Variants in AGMO observed in about 807,000 individuals in gnomAD.
AGMO encodes glyceryl-ether monooxygenase.
In AGMO, 75 loss-of-function variants were observed where a neutral mutation model predicts 60.2. The observed-to-expected ratio is 1.25, with a 90% CI of 1.03 to 1.51. The LOEUF (loss-of-function observed/expected upper bound fraction) is 1.51. Among genes scored for constraint, AGMO ranks in the 40% most tolerant of loss-of-function variants. The probability of loss-of-function intolerance (pLI) is 0.00; values close to 1 mark genes in which losing one functional copy is unlikely to be tolerated. For missense variants in AGMO, 763 were observed against 525.5 expected, an observed-to-expected ratio of 1.45 and a Z score of -4.42; for synonymous variants, 261 against 177.1, an observed-to-expected ratio of 1.47 and a Z score of -3.76.
intron 10 of AGMO, among the ~76,000 whole-genome samples, chr7:15,378,736 CAAAATTCT>C (rs1343536619): frequency 9.4e-6 from 1 of 106,926 alleles, no homozygotes; most frequent in East Asian, 4.1e-4. Context: ...TTCTGGGTGG[CAAAATTCT>C]ATAGTGCCTT....
At chr7:15,492,116 G>A (rs976923822) in intron 3 of AGMO, among the ~76,000 whole-genome samples, 5 of 152,162 alleles carry the variant, frequency 3.3e-5, no homozygotes, top group Admixed American at 6.5e-5. Flanking sequence ...TATCTTATTT[G>A]ATACTCAGTC....
chr7:15,445,236 G>C (rs1373006439), intron 3 of AGMO, among the ~76,000 whole-genome samples: 1 of 152,116 alleles, frequency 6.6e-6, no homozygotes, highest in Non-Finnish European at 1.5e-5. Context: ...ATCAGTATTG[G>C]TGTAGGTCAA....
At chr7:15,320,129 GAA>G (rs1781064149) in intron 12 of AGMO, among the ~76,000 whole-genome samples, 1 of 151,560 alleles carries the variant, frequency 6.6e-6, no homozygotes. Flanking sequence ...GGGGGAGGGG[GAA>G]GGGATAGCAT....
the AGMO span, among the ~76,000 whole-genome samples, chr7:15,155,763 G>T: frequency 2.0e-5 from 3 of 152,054 alleles, no homozygotes; most frequent in African/African-American, 7.2e-5. Context: ...TGTGTGGGCC[G>T]ATGTTCCTTT....
intron 3 of AGMO, among the ~76,000 whole-genome samples, chr7:15,484,578 G>C (rs1377502764): frequency 3.9e-5 from 6 of 152,110 alleles, no homozygotes; most frequent in African/African-American, 1.4e-4. Flanking sequence ...AATGTTTACA[G>C]GAATTTAAAA....
At chr7:15,191,230 A>G in the AGMO span, among the ~76,000 whole-genome samples, 1 of 152,200 alleles carries the variant, frequency 6.6e-6, no homozygotes, top group Non-Finnish European at 1.5e-5. Context: ...TTCAAGGATC[A>G]GCAATCACAA....
intron 10 of AGMO, among the ~76,000 whole-genome samples, chr7:15,368,607 A>C (rs749808296): frequency 1.8e-4 from 27 of 152,112 alleles, no homozygotes; most frequent in Non-Finnish European, 2.6e-4. Context: ...TTAAATACTT[A>C]AAAGAGTGTT....
intron 8 of AGMO, 127 bp from the exon 9 acceptor site, chr7:15,387,667 G>A: frequency 5.1e-6 from 4 of 781,958 alleles, no homozygotes; most frequent in Non-Finnish European, 5.9e-6. Flanking sequence ...CCTGATTAGA[G>A]CAACAGAAAT....
chr7:15,236,679 G>GTT (rs1782431517), intron 12 of AGMO, among the ~76,000 whole-genome samples: 3 of 152,016 alleles, frequency 2.0e-5, no homozygotes, highest in African/African-American at 2.4e-5. Context: ...TATATGTTGA[G>GTT]GATATATGAT....
the AGMO span, among the ~76,000 whole-genome samples, chr7:15,189,279 A>G: frequency 6.6e-6 from 1 of 152,130 alleles, no homozygotes; most frequent in Non-Finnish European, 1.5e-5. Context: ...ATTTACAAAT[A>G]GGGCCTTGCA....
chr7:15,131,168 A>G, the AGMO span, among the ~76,000 whole-genome samples: 10 of 152,138 alleles, frequency 6.6e-5, no homozygotes, highest in Admixed American at 6.6e-4. Flanking sequence ...GGTTTAAACA[A>G]TGATTTCATC....
chr7:15,128,184 G>T, the AGMO span, among the ~76,000 whole-genome samples: 1 of 152,112 alleles, frequency 6.6e-6, no homozygotes, highest in Non-Finnish European at 1.5e-5. Flanking sequence ...CTTCAGAGGA[G>T]AAAACAGGTG....
the AGMO span, among the ~76,000 whole-genome samples, chr7:15,134,945 T>A: frequency 6.6e-6 from 1 of 152,008 alleles, no homozygotes; most frequent in Non-Finnish European, 1.5e-5. Flanking sequence ...ATATTTTCAG[T>A]GAATATATCA....
intron 3 of AGMO, among the ~76,000 whole-genome samples, chr7:15,451,789 A>G (rs1562514376): frequency 6.6e-6 from 1 of 152,166 alleles, no homozygotes; most frequent in Admixed American, 6.5e-5. Context: ...CAGAGACCCC[A>G]CCACAGCAGA....
chr7:15,296,103 G>A (rs1784397975), intron 12 of AGMO, among the ~76,000 whole-genome samples: 2 of 152,196 alleles, frequency 1.3e-5, no homozygotes, highest in South Asian at 4.1e-4. Flanking sequence ...TTTGACTTAA[G>A]ATGTTAGTCT....
intron 12 of AGMO, among the ~76,000 whole-genome samples, chr7:15,357,465 A>G (rs1213647469): frequency 6.6e-6 from 1 of 152,078 alleles, no homozygotes; most frequent in Non-Finnish European, 1.5e-5. Context: ...CCATAAATTT[A>G]TGTGTGCCCT....
rs570533612 is a variant in AGMO at position 15,473,912 on chromosome 7, C to G, written c.410-42804G>C. On this transcript the variant is annotated intron_variant, in intron 3 of 12. Transcript: ENST00000342526. ...ACAAGCATTCCTATACACAAATAGT[C>G]AATCAGAGAGCTAAATCAAGAGTGA... 3.6e-4 allele frequency among the ~76,000 whole-genome samples: 54 copies of G among 151,896 alleles called. No individual in the cohort carries two copies. In the South Asian group the frequency reaches 0.011, roughly 31 times the overall value.
intron 10 of AGMO, among the ~76,000 whole-genome samples, chr7:15,383,893 G>C (rs1258208081): frequency 2.0e-5 from 3 of 151,414 alleles, no homozygotes; most frequent in Admixed American, 1.3e-4. Context: ...TTTATGTATT[G>C]ACTTTAGCAC....
intron 12 of AGMO, among the ~76,000 whole-genome samples, chr7:15,325,566 CTA>C (rs1491102149): frequency 6.6e-6 from 1 of 152,036 alleles, no homozygotes; most frequent in East Asian, 1.9e-4. Context: ...CAAAAGGACT[CTA>C]TTTCAACAGC....
Sources: gnomAD v4.1 joint callset for allele counts (sites outside exome capture counted in the v4.1 genomes callset) on GRCh38, gnomAD v4.1.1 for gene constraint, MANE v1.5 for transcripts, NCBI Gene and HGNC (gene_info 2026-07-23, HGNC 2026-07-21) for gene names.